ZNF723: variants seen among roughly 807,000 people sequenced by gnomAD.
ZNF723 encodes the protein zinc finger protein 723.
ZNF723 carries 5 observed loss-of-function variants against 9.4 expected under a neutral mutation model. That is an observed-to-expected ratio of 0.53 (90% CI 0.28 to 1.12). ZNF723 has a LOEUF of 1.12. Among genes scored for constraint, ZNF723 ranks in the 50% most tolerant of loss-of-function variants. The pLI is 0.10. For synonymous variants in ZNF723, 158 were observed against 168.8 expected, an observed-to-expected ratio of 0.94 and a Z score of 0.49; for missense variants, 450 against 501.5, an observed-to-expected ratio of 0.90 and a Z score of 0.98.
the ZNF723 span, among the ~76,000 whole-genome samples, chr19:22,817,565 T>A: frequency 1.3e-5 from 2 of 151,874 alleles, no homozygotes; most frequent in East Asian, 3.9e-4. Flanking sequence ...ACTGAGGTGA[T>A]GTGACTCCTT....
At chr19:22,823,464 A>G in the ZNF723 span, among the ~76,000 whole-genome samples, 1 of 152,210 alleles carries the variant, frequency 6.6e-6, no homozygotes, top group Non-Finnish European at 1.5e-5. Context: ...TTCTACCAGG[A>G]CACAGTCTAA....
At chr19:22,849,766 G>T (rs1967367141) in intron 3 of ZNF723, among the ~76,000 whole-genome samples, 1 of 152,046 alleles carries the variant, frequency 6.6e-6, no homozygotes. Flanking sequence ...AAAATTTGTT[G>T]CTCGTGGTGG....
At position 22,848,286 on chromosome 19, in the gene ZNF723, C is replaced by A; in HGVS notation, c.29C>A (p.Ala10Glu). The A allele has an allele frequency of 8.2e-7, 1 of 1,223,074 alleles. No homozygotes were observed. The highest frequency in any genetic ancestry group is 1.2e-6 in the Non-Finnish European group (1 of 842,700). The allele number at this position is 1,223,074 out of a possible 1,614,324, so 75.8% of individuals were successfully genotyped here. ...GGACCATTGACATTCACAGATGTGG[C>A]AATAAAATTTTCTCTGGAGGAGTGG... MGPLTFTDV[A>E]IKFSLEEWQF... Residue 10 changes from alanine to glutamate, a missense_variant, in exon 2 of 4, where the codon GCA becomes GAA. Coordinates refer to ENST00000600766, the MANE Select transcript of ZNF723 (RefSeq NM_001349726.2).
chr19:22,820,690 C>G, the ZNF723 span, among the ~76,000 whole-genome samples: 4 of 152,324 alleles, frequency 2.6e-5, no homozygotes, highest in Admixed American at 2.6e-4. Context: ...CAAATTACCA[C>G]TCTCTTGCTT....
At position 22,832,328 on chromosome 19, in the gene ZNF723, A is replaced by G; in HGVS notation, c.-52A>G. 1.5e-6 allele frequency: 2 copies of G among 1,368,752 alleles called. No individual in the cohort carries two copies. The highest frequency in any genetic ancestry group is 1.7e-5 in the Admixed American group (1 of 57,244). 84.8% of individuals were successfully genotyped at this position (1,368,752 alleles called of 1,614,324 possible). ...TGGTCTCTGTGGCCTCCTGACCTAC[A>G]TGCATTGGGAGATCCACAGCTAAGA... On this transcript the variant is annotated 5_prime_UTR_variant, in exon 1 of 4. It removes an upstream start codon present in the reference 5' UTR. Transcript: ENST00000600766.
intron 1 of ZNF723, among the ~76,000 whole-genome samples, chr19:22,841,396 C>A (rs760178900): frequency 2.6e-5 from 4 of 152,168 alleles, no homozygotes; most frequent in Non-Finnish European, 5.9e-5. Context: ...GCTTGACGAT[C>A]TCTTGAGCAG....
rs930790765 is a variant in ZNF723 at position 22,846,355 on chromosome 19, G to T, written c.4-1906G>T. Among the ~76,000 whole-genome samples, 29 of 152,302 alleles carry T rather than the reference G, an allele frequency of 1.9e-4. 1 individual carries two copies. The highest frequency in any genetic ancestry group is 1.6e-3 in the Admixed American group (25 of 15,300). ...AACAAGATGACGGCCAGGTGCGGTGGCTCCCACCTGTAATCCCAGCAGTTT... is the reference window on the plus strand; with the variant it reads ...AACAAGATGACGGCCAGGTGCGGTGTCTCCCACCTGTAATCCCAGCAGTTT... On this transcript the variant is annotated intron_variant, in intron 1 of 3. Transcript: ENST00000600766.
At chr19:22,833,191 C>T (rs1278970445) in intron 1 of ZNF723, among the ~76,000 whole-genome samples, 2 of 151,908 alleles carry the variant, frequency 1.3e-5, no homozygotes, top group East Asian at 1.9e-4. Flanking sequence ...TTCACTCTTT[C>T]GCCTAGACTG....
upstream of ZNF723, chr19:22,832,285 C>T (rs1165762130): frequency 5.8e-6 from 7 of 1,216,580 alleles, no homozygotes; most frequent in Admixed American, 1.2e-4. Context: ...CGGGATTTGG[C>T]GCGGCCTTTT....
chr19:22,842,421 A>G (rs977030182), intron 1 of ZNF723, among the ~76,000 whole-genome samples: 3 of 152,182 alleles, frequency 2.0e-5, no homozygotes, highest in Non-Finnish European at 4.4e-5. Flanking sequence ...TTAATGATGT[A>G]TATCCAATCA....
At chr19:22,826,010 C>T in the ZNF723 span, among the ~76,000 whole-genome samples, 12 of 152,148 alleles carry the variant, frequency 7.9e-5, no homozygotes, top group Non-Finnish European at 1.0e-4. Flanking sequence ...GACATTTTGA[C>T]ATATCTTTGG....
At position 22,858,420 on chromosome 19, in the gene ZNF723, C is replaced by T. The variant is rs750312324; in HGVS notation, c.1529C>T (p.Thr510Ile). 2 of 708,842 alleles carry T rather than the reference C, an allele frequency of 2.8e-6. No individual in the cohort carries two copies. The highest frequency in any genetic ancestry group is 2.7e-5 in the East Asian group (1 of 37,312). The allele number at this position is 708,842 out of a possible 1,614,324, so 43.9% of individuals were successfully genotyped here. Residue 510 changes from threonine (T) to isoleucine (I), a missense_variant, in exon 4 of 4, where the codon ACC becomes ATC. Physicochemically the swap from Thr to Ile is moderately conservative, Grantham distance 89 (BLOSUM62 -1). Transcript: ENST00000600766. Reference sequence around the variant, plus strand: ...ATTCATACTAAAGAGAAATCACAAACCTTAAAGATGTGACAATGCTTTTTA... The same window carrying T: ...ATTCATACTAAAGAGAAATCACAAATCTTAAAGATGTGACAATGCTTTTTA... ...KIIHTKEKSQ[T>I]LKM
chr19:22,849,238 G>A lies in ZNF723; in HGVS notation c.171G>A (p.Glu57=), dbSNP rs907481581. 4.1e-5 allele frequency: 27 copies of A among 655,930 alleles called. No individual in the cohort carries two copies. In the Admixed American group the frequency reaches 6.0e-4, roughly 15 times the overall value. The allele number at this position is 655,930 out of a possible 1,614,324, so 40.6% of individuals were successfully genotyped here. The part of the protein sequence containing the change: ...VSKPDLITCL[E]QGKEPWNMKR... ...AGCCAGATTTAATCACCTGTCTGGA[G>A]CAAGGAAAAGAGCCCTGGAATATGA... Residue 57 remains glutamate, a synonymous_variant, in exon 3 of 4, where the codon GAG becomes GAA. Transcript: ENST00000600766.
chr19:22,845,915 C>T (rs905251280), intron 1 of ZNF723, among the ~76,000 whole-genome samples: 2 of 80,330 alleles, frequency 2.5e-5, no homozygotes, highest in Admixed American at 1.3e-4. Flanking sequence ...TTTAGCTAAA[C>T]ACATCTCAGA....
chr19:22,813,973 G>A, the ZNF723 span, among the ~76,000 whole-genome samples: 10 of 151,654 alleles, frequency 6.6e-5, no homozygotes, highest in African/African-American at 1.2e-4. Flanking sequence ...CACCAAGCCC[G>A]GCTAATTTTT....
chr19:22,857,304 C>G lies in ZNF723; in HGVS notation c.413C>G (p.Thr138Arg). Residue 138 changes from threonine (T) to arginine (R), a missense_variant, in exon 4 of 4, where the codon ACA becomes AGA. Physicochemically the swap from Thr to Arg is moderately conservative, Grantham distance 71 (BLOSUM62 -1). Around this residue, in one of 5 missense-constraint regions of ZNF723, gnomAD observed 143 missense variants for 101.3 expected, o/e 1.41. Coordinates refer to ENST00000600766, the MANE Select transcript of ZNF723 (RefSeq NM_001349726.2). ...GGYDELKQCLTTTPSKIFQCD... is the reference protein window; with the variant it reads ...GGYDELKQCLRTTPSKIFQCD... ...TATGATGAACTTAAGCAATGTTTGACAACTACCCCGAGCAAAATATTTCAA... is the reference window on the plus strand; with the variant it reads ...TATGATGAACTTAAGCAATGTTTGAGAACTACCCCGAGCAAAATATTTCAA... 1.2e-6 allele frequency: 1 copy of G among 819,708 alleles called. No individual in the cohort carries two copies. Among genetic ancestry groups the G allele is most frequent in the Non-Finnish European group, 2.2e-6 (1 of 457,856 alleles). 50.8% of individuals were successfully genotyped at this position (819,708 alleles called of 1,614,324 possible). A position where few individuals can be genotyped will look rare whatever the true frequency, so the allele number is the denominator to read the frequency against.
chr19:22,834,647 G>A (rs1168201669), intron 1 of ZNF723, among the ~76,000 whole-genome samples: 1 of 152,102 alleles, frequency 6.6e-6, no homozygotes, highest in African/African-American at 2.4e-5. Flanking sequence ...TGATGCCCTG[G>A]GGCTGAGAGG....
chr19:22,817,185 T>A, the ZNF723 span, among the ~76,000 whole-genome samples: 2 of 152,260 alleles, frequency 1.3e-5, no homozygotes, highest in Admixed American at 1.3e-4. Context: ...TTTTATTTAT[T>A]ACTTAGGTGA....
the ZNF723 span, among the ~76,000 whole-genome samples, chr19:22,817,470 T>A: frequency 2.0e-5 from 3 of 152,048 alleles, no homozygotes; most frequent in Non-Finnish European, 4.4e-5. Context: ...TTATGACATA[T>A]CACTGGGCCC....
Sources: allele counts gnomAD v4.1 joint callset (sites outside exome capture counted in the v4.1 genomes callset), GRCh38; gene constraint gnomAD v4.1.1; regional missense constraint gnomAD v4.1.1; transcripts MANE v1.5; gene names NCBI Gene and HGNC (gene_info 2026-07-23, HGNC 2026-07-21).